The following ZNF91 variants were observed in gnomAD, a reference collection of about 807,000 sequenced individuals.
The protein encoded by ZNF91 is zinc finger protein 91 (HPF7, HTF10).
In ZNF91, 7 loss-of-function variants were observed where a neutral mutation model predicts 12.6. The observed-to-expected ratio is 0.55, with a 90% CI of 0.31 to 1.04. ZNF91 has a LOEUF of 1.04. Ranked by LOEUF, ZNF91 falls within the 50% of genes least tolerant of loss-of-function variation. The pLI is 0.05. For missense variants in ZNF91, 1,217 were observed against 1,385.4 expected, an observed-to-expected ratio of 0.88 and a Z score of 1.93; for synonymous variants, 453 against 462.6, an observed-to-expected ratio of 0.98 and a Z score of 0.27.
intron 1 of ZNF91, among the ~76,000 whole-genome samples, chr19:23,331,596 T>C (rs188356013): frequency 1.3e-5 from 2 of 151,578 alleles, no homozygotes; most frequent in African/African-American, 4.8e-5. Context: ...TAGTCACTCA[T>C]CTTCTCCGTT....
chr19:23,363,902 TAA>T (rs1486813580), intron 3 of ZNF91, among the ~76,000 whole-genome samples: 1 of 151,666 alleles, frequency 6.6e-6, no homozygotes, highest in Non-Finnish European at 1.5e-5. Context: ...AAAAATGATG[TAA>T]AAATAAAGAA....
At chr19:23,382,078 G>C (rs1232707051) in intron 1 of ZNF91, among the ~76,000 whole-genome samples, 4 of 147,398 alleles carry the variant, frequency 2.7e-5, no homozygotes, top group Middle Eastern at 3.7e-3. Flanking sequence ...AATGACAAAA[G>C]GTTTATTCAG....
intron 3 of ZNF91, among the ~76,000 whole-genome samples, chr19:23,346,967 C>T (rs1231459098): frequency 6.6e-6 from 1 of 152,176 alleles, no homozygotes; most frequent in Non-Finnish European, 1.5e-5. Flanking sequence ...ATCCTACATA[C>T]TTCTGTATCA....
chr19:23,362,515 T>C lies in ZNF91; in HGVS notation c.464A>G (p.Gln155Arg). The C allele has an allele frequency of 6.2e-7, 1 of 1,603,548 alleles. No individual in the cohort carries two copies. The highest frequency in any genetic ancestry group is 8.5e-7 in the Non-Finnish European group (1 of 1,175,676). ...GAAGACTTTCAAATATTTCCCACAT[T>C]GAAATACTTTGCTCTGGGCAGTTGT... ...CLTTAQSKVF[Q>R]CGKYLKVFYK... Residue 155 changes from glutamine to arginine, a missense_variant, in exon 4 of 4, where the codon CAA (glutamine) becomes CGA (arginine). Gln to Arg is a conservative substitution (Grantham distance 43). Around this residue, in one of 2 missense-constraint regions of ZNF91, gnomAD observed 726 missense variants for 895.5 expected, o/e 0.81. Transcript: ENST00000300619.
At chr19:23,385,124 G>A (rs536807705) in intron 1 of ZNF91, 2 of 758,474 alleles carry the variant, frequency 2.6e-6, no homozygotes, top group South Asian at 1.6e-5. Flanking sequence ...TACCCCGAAT[G>A]GCCAGCCGAA....
chr19:23,373,370 ATATATATATATATAT>A (rs773575191), intron 3 of ZNF91, among the ~76,000 whole-genome samples: 26,362 of 134,848 alleles, frequency 0.2, 2,758 homozygotes, highest in Middle Eastern at 0.24. Flanking sequence ...ATATATATAT[ATATATATATATATAT>A]AAATAAACAG....
upstream of ZNF91, among the ~76,000 whole-genome samples, chr19:23,315,331 A>G (rs372238363): frequency 7.9e-5 from 12 of 152,218 alleles, no homozygotes; most frequent in African/African-American, 2.6e-4. Flanking sequence ...GGGCACACCA[A>G]TTATTTGATG....
chr19:23,370,494 G>T (rs1969232010), intron 3 of ZNF91, among the ~76,000 whole-genome samples: 1 of 152,126 alleles, frequency 6.6e-6, no homozygotes, highest in South Asian at 2.1e-4. Context: ...TAACAGGCCT[G>T]AAATATACAG....
At chr19:23,392,011 C>T (rs1970079236) in intron 1 of ZNF91, among the ~76,000 whole-genome samples, 1 of 152,308 alleles carries the variant, frequency 6.6e-6, no homozygotes, top group South Asian at 2.1e-4. Context: ...AAGGTGTTTA[C>T]ATCTTATACC....
chr19:23,324,109 CCT>C (rs56298556), intron 1 of ZNF91: 3,387 of 151,264 alleles, frequency 0.022, 57 homozygotes, highest in African/African-American at 0.044. Context: ...TTCCTCCTTT[CCT>C]CTTTTTCTCA....
At chr19:23,346,012 C>A (rs1458674638) in intron 3 of ZNF91, among the ~76,000 whole-genome samples, 1 of 152,082 alleles carries the variant, frequency 6.6e-6, no homozygotes, top group Non-Finnish European at 1.5e-5. Flanking sequence ...TGCTCAGGCG[C>A]CACCTTTAGC....
chr19:23,373,213 T>C (rs2145094539), intron 3 of ZNF91, among the ~76,000 whole-genome samples: 1 of 152,138 alleles, frequency 6.6e-6, no homozygotes, highest in African/African-American at 2.4e-5. Flanking sequence ...AACTATTGTT[T>C]CTTATTGTCA....
chr19:23,373,070 AC>A (rs1969348002), intron 3 of ZNF91, among the ~76,000 whole-genome samples: 1 of 152,026 alleles, frequency 6.6e-6, no homozygotes. Context: ...CCAAGCTACA[AC>A]CCTTCTTCAC....
chr19:23,360,310 G>A lies in ZNF91; in HGVS notation c.2669C>T (p.Ala890Val), dbSNP rs1806963332. ...KPSKSEECDK[A>V]FIWSSTLTEH... ...AGTAAGGGTTGAGGACCAGATAAAT[G>A]CTTTGTCACATTCTTCACTCTTGGA... Residue 890 changes from alanine to valine, a missense_variant, in exon 4 of 4, where the codon GCA (alanine) becomes GTA (valine). Physicochemically the swap from Ala to Val is moderately conservative, Grantham distance 64. Transcript: ENST00000300619. 6.2e-7 allele frequency: 1 copy of A among 1,613,786 alleles called. No homozygotes were observed. The highest frequency in any genetic ancestry group is 1.3e-5 in the African/African-American group (1 of 75,000).
chr19:23,350,576 G>T (rs557470276), intron 3 of ZNF91, among the ~76,000 whole-genome samples: 24 of 152,188 alleles, frequency 1.6e-4, no homozygotes, highest in African/African-American at 5.8e-4. Context: ...TATTGAGAAA[G>T]TTGTCCCTTT....
rs11879776 is a variant in ZNF91 at position 23,373,385 on chromosome 19, T to A, written c.253+357A>T. Among the ~76,000 whole-genome samples the A allele has an allele frequency of 5.4e-3, 333 of 61,268 alleles. 6 individuals are homozygous for A. Among genetic ancestry groups the A allele is most frequent in the African/African-American group, 0.015 (289 of 19,688 alleles). The allele number at this position is 61,268 out of a possible 152,430, so 40.2% of individuals were successfully genotyped here. ...ATATATATATATATATATATATATA[T>A]AAATAAACAGTACTTTAAAACCTGT... On this transcript the variant is annotated intron_variant, in intron 3 of 3. Transcript: ENST00000300619.
chr19:23,391,340 T>TACCCTCAGTCTGAGCC (rs1970060615), intron 1 of ZNF91, among the ~76,000 whole-genome samples: 1 of 152,184 alleles, frequency 6.6e-6, no homozygotes, highest in Non-Finnish European at 1.5e-5. Flanking sequence ...AACTTTGAGC[T>TACCCTCAGTCTGAGCC]ACCCTCAGTC....
In ZNF91 at chr19:23,360,501, G is replaced by A; in HGVS notation, c.2478C>T (p.Tyr826=). 1.2e-6 allele frequency: 2 copies of A among 1,613,862 alleles called. No individual in the cohort carries two copies. Among genetic ancestry groups the A allele is most frequent in the East Asian group, 2.2e-5 (1 of 44,820 alleles). The change falls in exon 4 of 4, where the codon TAC becomes TAT. Residue 826 remains tyrosine (Y), a synonymous_variant. Coordinates refer to ENST00000300619, the MANE Select transcript of ZNF91 (RefSeq NM_003430.4). ...AAGCTTTGCCACATTCTTTACATTT[G>A]TAGGGTTTCTCTCCAGTATGAATTG... ...HKTIHTGEKP[Y]KCKECGKAFK...
intron 1 of ZNF91, among the ~76,000 whole-genome samples, chr19:23,376,253 C>T (rs1396615167): frequency 6.6e-6 from 1 of 152,138 alleles, no homozygotes; most frequent in East Asian, 1.9e-4. Flanking sequence ...ACAAAGAGAA[C>T]ATTTTTAATA....
Sources: gnomAD v4.1 joint callset for allele counts (sites outside exome capture counted in the v4.1 genomes callset) on GRCh38, gnomAD v4.1.1 for gene constraint, gnomAD v4.1.1 regional missense constraint, MANE v1.5 for transcripts, NCBI Gene and HGNC (gene_info 2026-07-23, HGNC 2026-07-21) for gene names.